The following PHYHD1 variants were observed in gnomAD, a reference collection of about 807,000 sequenced individuals.
The protein encoded by PHYHD1 is phytanoyl-CoA dioxygenase domain containing 1, also known as phytanoyl-CoA dioxygenase domain-containing protein 1.
A neutral mutation model predicts 43.6 loss-of-function variants in PHYHD1; 42 were observed. The ratio of observed to expected loss-of-function variants is 0.96; its 90% CI spans 0.75 to 1.25. The LOEUF (loss-of-function observed/expected upper bound fraction) is 1.25. Among genes scored for constraint, PHYHD1 ranks in the 50% most tolerant of loss-of-function variants. The pLI is 0.00. For synonymous variants in PHYHD1, 139 were observed against 143.6 expected (o/e 0.97, Z 0.23); for missense variants, 342 against 370.8 (o/e 0.92, Z 0.64).
In PHYHD1 at chr9:128,940,496, C is replaced by T; in HGVS notation, c.585C>T (p.Thr195=). The T allele has an allele frequency of 6.2e-7, 1 of 1,614,150 alleles. No homozygotes were observed. Among genetic ancestry groups the T allele is most frequent in the Non-Finnish European group, 8.5e-7 (1 of 1,180,026 alleles). The change falls in exon 10 of 13, where the codon ACC becomes ACT. Residue 195 remains threonine (T), a splice_region_variant and synonymous_variant. Transcript: ENST00000372592. ...TCTGGTTCATCCCTGGCTCCCACACCAGTGAGGAACCCTGTCTCTTCTGCC... is the reference window on the plus strand; with the variant it reads ...TCTGGTTCATCCCTGGCTCCCACACTAGTGAGGAACCCTGTCTCTTCTGCC... ...GCLWFIPGSH[T]SGVSRRMVRA... is the part of the protein sequence containing the mutation.
At chr9:128,941,608 C>T (rs779745929) in intron 12 of PHYHD1, 37 bp downstream of exon 12, 173 of 1,614,048 alleles carry the variant, frequency 1.1e-4, no homozygotes, top group Admixed American at 1.5e-4. Context: ...CCGACAGTCC[C>T]CTGGAGGCTG....
Position 128,941,685 on chromosome 9 carries a change from AACT to A in PHYHD1, c.849_851del (p.Leu284del). 1 of 1,614,144 alleles carries A rather than the reference AACT, an allele frequency of 6.2e-7. No homozygotes were observed. The highest frequency in any genetic ancestry group is 8.5e-7 in the Non-Finnish European group (1 of 1,180,014). ...CTCTGCAGGCTCCAGCCAACAGCTG[AACT>A]GCCCTTTCCCCAACTGTACACCTAA... On this transcript the variant is annotated inframe_deletion, in exon 13 of 13. Coordinates refer to ENST00000372592, the MANE Select transcript of PHYHD1 (RefSeq NM_001100876.2).
intron 3 of PHYHD1, among the ~76,000 whole-genome samples, chr9:128,925,105 G>A (rs1364418687): frequency 6.6e-6 from 1 of 152,180 alleles, no homozygotes; most frequent in Non-Finnish European, 1.5e-5. Context: ...CCCATGGTGG[G>A]TGGTCATGAG....
intron 4 of PHYHD1, 56 bp downstream of exon 4, chr9:128,927,252 C>T (rs1246356542): frequency 1.6e-5 from 26 of 1,601,468 alleles, no homozygotes; most frequent in Non-Finnish European, 2.1e-5. Context: ...GGGCTTGGTC[C>T]CCGGCCAGAG....
At chr9:128,928,643 C>T (rs1254845516) in intron 4 of PHYHD1, among the ~76,000 whole-genome samples, 2 of 151,846 alleles carry the variant, frequency 1.3e-5, no homozygotes, top group Non-Finnish European at 2.9e-5. Flanking sequence ...GTGGAGGTTG[C>T]AGTGGGCCAA....
intron 9 of PHYHD1, among the ~76,000 whole-genome samples, chr9:128,939,448 A>G (rs10121610): frequency 0.11 from 13,782 of 121,636 alleles, 2,922 homozygotes; most frequent in African/African-American, 0.33. Flanking sequence ...GCGTGGTGTC[A>G]GGCACCTGTA....
rs777769368 is a variant in PHYHD1, at chr9:128,936,663, G to A, written c.435+18G>A. On this transcript the variant is annotated intron_variant, in intron 8 of 12. Coordinates refer to ENST00000372592, the MANE Select transcript of PHYHD1 (RefSeq NM_001100876.2). Reference sequence around the variant, plus strand: ...TCTTTAAGGTGAGCTCCTTGTCCTTGCCTCAGTTTACCATCTGTAAAATGG... The same window carrying A: ...TCTTTAAGGTGAGCTCCTTGTCCTTACCTCAGTTTACCATCTGTAAAATGG... The A allele has an allele frequency of 6.2e-5, 96 of 1,551,396 alleles. No homozygotes were observed. The highest frequency in any genetic ancestry group is 7.8e-5 in the Non-Finnish European group (90 of 1,146,920).
chr9:128,936,146 G>C (rs1841417457), intron 6 of PHYHD1, among the ~76,000 whole-genome samples: 1 of 151,898 alleles, frequency 6.6e-6, no homozygotes, highest in Non-Finnish European at 1.5e-5. Context: ...AGAGCAAATG[G>C]TGGTACCGAG....
chr9:128,934,152 T>G, intron 6 of PHYHD1, 94 bp downstream of exon 6: 1 of 1,342,482 alleles, frequency 7.4e-7, no homozygotes, highest in Non-Finnish European at 1.0e-6. Context: ...CTTTGAGAAG[T>G]CAAGGTGGGC....
In PHYHD1 at chr9:128,941,780, T is replaced by C; in HGVS notation, c.*67T>C. 4.4e-6 allele frequency: 7 copies of C among 1,604,880 alleles called. No individual in the cohort carries two copies. The highest frequency in any genetic ancestry group is 6.0e-6 in the Non-Finnish European group (7 of 1,172,168). On this transcript the variant is annotated 3_prime_UTR_variant, in exon 13 of 13. Coordinates refer to ENST00000372592, the MANE Select transcript of PHYHD1 (RefSeq NM_001100876.2). Reference sequence around the variant, plus strand: ...GCTGTGGGCTGTAAACACCAGTGCCTTGCTCAGCCTCCTGGTTGCAACAGG... The same window carrying C: ...GCTGTGGGCTGTAAACACCAGTGCCCTGCTCAGCCTCCTGGTTGCAACAGG...
At chr9:128,933,172 T>TGA (rs1841340619) in intron 4 of PHYHD1, among the ~76,000 whole-genome samples, 1 of 144,570 alleles carries the variant, frequency 6.9e-6, no homozygotes, top group African/African-American at 2.6e-5. Flanking sequence ...TTTTTTTTTT[T>TGA]GAGACAGAGT....
At chr9:128,941,413 G>T in intron 11 of PHYHD1, 32 bp from the exon 12 acceptor site, 1 of 1,608,626 alleles carries the variant, frequency 6.2e-7, no homozygotes, top group Non-Finnish European at 8.5e-7. Context: ...TGTGGGGCTG[G>T]TAGGTTCCTG....
rs1841161720 is a variant in PHYHD1 at position 128,927,284 on chromosome 9, C to T, written c.192+88C>T. 25 of 1,541,092 alleles carry T rather than the reference C, an allele frequency of 1.6e-5. No individual in the cohort carries two copies. The East Asian group carries it at 5.6e-4, about 35-fold the overall frequency. On this transcript the variant is annotated intron_variant, in intron 4 of 12. Transcript: ENST00000372592. The stretch of plus-strand genomic sequence containing the variant: ...AGAGCAGCATCGTGGAAGGGAGGAT[C>T]CCAAGGCTCCAGGGTGTCAGGCCAA...
chr9:128,923,842 G>A (rs1316519242), intron 3 of PHYHD1, among the ~76,000 whole-genome samples: 1 of 152,182 alleles, frequency 6.6e-6, no homozygotes, highest in Non-Finnish European at 1.5e-5. Context: ...AACTGGCCAG[G>A]CGCGGTGGCT....
chr9:128,932,467 A>G (rs1240433814), intron 4 of PHYHD1, among the ~76,000 whole-genome samples: 2 of 152,044 alleles, frequency 1.3e-5, no homozygotes, highest in Non-Finnish European at 2.9e-5. Context: ...TCCCAGGTTC[A>G]AGCAATTCTC....
chr9:128,924,897 T>G (rs1341199302), intron 3 of PHYHD1, among the ~76,000 whole-genome samples: 4 of 152,050 alleles, frequency 2.6e-5, no homozygotes. Flanking sequence ...ATCATGCCAT[T>G]GCACTCCAGC....
chr9:128,927,888 C>G (rs1194107471), intron 4 of PHYHD1, among the ~76,000 whole-genome samples: 1 of 152,258 alleles, frequency 6.6e-6, no homozygotes, highest in African/African-American at 2.4e-5. Flanking sequence ...ATGACCCCCA[C>G]CTGTGTAACT....
At chr9:128,925,342 C>T (rs1841108153) in intron 3 of PHYHD1, among the ~76,000 whole-genome samples, 1 of 151,654 alleles carries the variant, frequency 6.6e-6, no homozygotes, top group African/African-American at 2.4e-5. Context: ...TCTCCTGCCT[C>T]AGCCTCCCGA....
At position 128,934,064 on chromosome 9, in the gene PHYHD1, C is replaced by T; in HGVS notation, c.316+6C>T. 11 of 1,613,206 alleles carry T rather than the reference C, an allele frequency of 6.8e-6. No homozygotes were observed. The South Asian group carries it at 9.9e-5, about 14-fold the overall frequency. On this transcript the variant is annotated splice_donor_region_variant and intron_variant, in intron 6 of 12. Transcript: ENST00000372592. The stretch of plus-strand genomic sequence containing the variant: ...CATCAACAAAATTGGCCACGGTGAG[C>T]AGGGGCTTGGGGGTACAGGAAAGAA...
Sources: gnomAD v4.1 joint callset for allele counts (sites outside exome capture counted in the v4.1 genomes callset) on GRCh38, gnomAD v4.1.1 for gene constraint, MANE v1.5 for transcripts, NCBI Gene and HGNC (gene_info 2026-07-23, HGNC 2026-07-21) for gene names.